IL1RAPL1: variants seen among roughly 807,000 people sequenced by gnomAD.
IL1RAPL1 encodes the protein interleukin 1 receptor accessory protein like 1.
In IL1RAPL1, 3 loss-of-function variants were observed where a neutral mutation model predicts 48.4. That is an observed-to-expected ratio of 0.06 (90% CI 0.03 to 0.16). IL1RAPL1 has a LOEUF of 0.16. Among genes scored for constraint, IL1RAPL1 ranks in the 10% least tolerant of loss-of-function variants. IL1RAPL1 has a pLI of 1.00. For synonymous variants in IL1RAPL1, 185 were observed against 187.7 expected (o/e 0.99, Z 0.12); for missense variants, 349 against 530.6 (o/e 0.66, Z 3.36).
At chrX:29,337,009 G>C (rs1933005452) in intron 3 of IL1RAPL1, among the ~76,000 whole-genome samples, 1 of 110,816 alleles carries the variant, frequency 9.0e-6, no homozygotes, top group African/African-American at 3.3e-5. Flanking sequence ...GAGACTGGAG[G>C]GTGGGAGAAG....
At chrX:28,859,303 G>C (rs1042344586) in intron 2 of IL1RAPL1, among the ~76,000 whole-genome samples, 1 of 112,357 alleles carries the variant, frequency 8.9e-6, no homozygotes, top group Non-Finnish European at 1.9e-5. Context: ...TTTGTCTCCA[G>C]GCTGGAGTGC....
intron 2 of IL1RAPL1, among the ~76,000 whole-genome samples, chrX:28,980,570 T>C (rs1039957113): frequency 2.0e-4 from 22 of 112,218 alleles, no homozygotes; most frequent in African/African-American, 7.1e-4. Flanking sequence ...TGTCCATTTA[T>C]GATGCTTGTA....
intron 3 of IL1RAPL1, among the ~76,000 whole-genome samples, chrX:29,350,052 C>G (rs1188482525): frequency 9.5e-6 from 1 of 105,613 alleles, no homozygotes; most frequent in Non-Finnish European, 1.9e-5. Context: ...TTCCAATGCT[C>G]CTTTATTCTT....
chrX:29,821,303 A>G (rs1264110074), intron 6 of IL1RAPL1, among the ~76,000 whole-genome samples: 1 of 109,690 alleles, frequency 9.1e-6, no homozygotes, highest in Non-Finnish European at 1.9e-5. Context: ...ACAAAAAATT[A>G]GCCGGGTGTG....
intron 1 of IL1RAPL1, among the ~76,000 whole-genome samples, chrX:28,596,279 T>C (rs1933954427): frequency 9.0e-6 from 1 of 111,670 alleles, no homozygotes; most frequent in Admixed American, 9.5e-5. Context: ...AGAGAATTAA[T>C]ATTAGGTAGT....
At chrX:29,719,347 A>G (rs889547823) in intron 6 of IL1RAPL1, among the ~76,000 whole-genome samples, 1 of 111,835 alleles carries the variant, frequency 8.9e-6, no homozygotes, top group African/African-American at 3.3e-5. Flanking sequence ...TTAACCTTCC[A>G]TAATTATGAT....
At chrX:29,625,187 A>T (rs940337607) in intron 5 of IL1RAPL1, among the ~76,000 whole-genome samples, 1 of 112,062 alleles carries the variant, frequency 8.9e-6, no homozygotes, top group Non-Finnish European at 1.9e-5. Flanking sequence ...GACTTGGCCT[A>T]ATTTTAAGAA....
intron 1 of IL1RAPL1, among the ~76,000 whole-genome samples, chrX:28,730,357 A>C (rs1319694861): frequency 2.7e-5 from 3 of 111,664 alleles, no homozygotes; most frequent in Non-Finnish European, 3.8e-5. Context: ...ATGTTTAAAT[A>C]ATTATTTCTT....
At position 28,815,839 on chromosome X, in the gene IL1RAPL1, GTATATATATATATATATATATATATATA is replaced by G. The variant is rs61436993; in HGVS notation, c.82+26433_82+26460del. Among the ~76,000 whole-genome samples, 32 of 29,109 alleles carry G rather than the reference GTATATATATATATATATATATATATATA, an allele frequency of 1.1e-3. 3 individuals are homozygous for G. Among genetic ancestry groups the G allele is most frequent in the South Asian group, 4.0e-3 (1 of 249 alleles). The allele number at this position is 29,109 out of a possible 115,157, so 25.3% of individuals were successfully genotyped here. A position where few individuals can be genotyped will look rare whatever the true frequency, so the allele number is the denominator to read the frequency against. The stretch of plus-strand genomic sequence containing the variant: ...CTATTGTGTATGTATGTGTGTTTAT[GTATATATATATATATATATATATATATA>G]TATATATATATATATATAATTTTTT... On this transcript the variant is annotated intron_variant, in intron 2 of 10. Transcript: ENST00000378993.
At chrX:28,866,546 A>AATAC (rs1460304311) in intron 2 of IL1RAPL1, among the ~76,000 whole-genome samples, 2 of 99,201 alleles carry the variant, frequency 2.0e-5, no homozygotes, top group Non-Finnish European at 4.1e-5. Flanking sequence ...TAAATAAATA[A>AATAC]ATAGCAAATT....
chrX:29,556,305 G>C (rs1280340721), intron 5 of IL1RAPL1, among the ~76,000 whole-genome samples: 1 of 112,131 alleles, frequency 8.9e-6, no homozygotes, highest in Non-Finnish European at 1.9e-5. Flanking sequence ...GAAAACAAGA[G>C]TTACACATTT....
intron 2 of IL1RAPL1, among the ~76,000 whole-genome samples, chrX:28,981,463 T>C (rs1925340174): frequency 9.0e-6 from 1 of 111,570 alleles, no homozygotes; most frequent in Non-Finnish European, 1.9e-5. Context: ...CTAAAATAAT[T>C]GTTTGCTAAT....
chrX:28,935,023 G>A lies in IL1RAPL1; in HGVS notation c.82+145598G>A, dbSNP rs939830006. The stretch of plus-strand genomic sequence containing the variant: ...TCTTCCATCTTTCTCAACAATACTT[G>A]TTGTTATCTGTCTTTTTTATTATAG... On this transcript the variant is annotated intron_variant, in intron 2 of 10. Coordinates refer to ENST00000378993, the MANE Select transcript of IL1RAPL1 (RefSeq NM_014271.4). Among the ~76,000 whole-genome samples, 6 of 111,553 alleles carry A rather than the reference G, an allele frequency of 5.4e-5. No individual in the cohort carries two copies. In the Admixed American group the frequency reaches 5.7e-4, roughly 11 times the overall value.
intron 2 of IL1RAPL1, among the ~76,000 whole-genome samples, chrX:28,810,070 G>A (rs1010318637): frequency 1.8e-5 from 2 of 109,887 alleles, no homozygotes; most frequent in Non-Finnish European, 3.8e-5. Flanking sequence ...AATTAGAGGA[G>A]GGAGAGGTTC....
At chrX:29,893,598 CATAT>C (rs1436704849) in intron 6 of IL1RAPL1, among the ~76,000 whole-genome samples, 2 of 110,958 alleles carry the variant, frequency 1.8e-5, no homozygotes, top group African/African-American at 6.6e-5. Flanking sequence ...AAATATATAT[CATAT>C]ATATGTATAA....
chrX:29,105,233 G>A (rs1928424750), intron 2 of IL1RAPL1, among the ~76,000 whole-genome samples: 1 of 111,498 alleles, frequency 9.0e-6, no homozygotes, highest in African/African-American at 3.3e-5. Flanking sequence ...GCCAGTCAAT[G>A]AACCAAAGAA....
chrX:29,500,316 A>G (rs1935259000), intron 5 of IL1RAPL1, among the ~76,000 whole-genome samples: 1 of 112,180 alleles, frequency 8.9e-6, no homozygotes, highest in African/African-American at 3.2e-5. Context: ...GAAATATACA[A>G]TAGATTATTG....
At chrX:29,827,434 C>T (rs1930761637) in intron 6 of IL1RAPL1, among the ~76,000 whole-genome samples, 1 of 111,714 alleles carries the variant, frequency 9.0e-6, no homozygotes, top group Non-Finnish European at 1.9e-5. Context: ...CATTCAGGTG[C>T]GTGAAGATAG....
chrX:29,917,907 G>C (rs1932811349), intron 7 of IL1RAPL1, among the ~76,000 whole-genome samples: 1 of 106,557 alleles, frequency 9.4e-6, no homozygotes, highest in African/African-American at 3.4e-5. Context: ...CGGATTGCTT[G>C]AGGCCAAGAG....
Sources: allele counts gnomAD v4.1 joint callset (sites outside exome capture counted in the v4.1 genomes callset), GRCh38; gene constraint gnomAD v4.1.1; transcripts MANE v1.5; gene names NCBI Gene and HGNC (gene_info 2026-07-23, HGNC 2026-07-21).